Variants in SLC15A5 observed in about 807,000 individuals in gnomAD.
SLC15A5 encodes the protein solute carrier family 15 member 5, also known as Peptide/histidine transporter ENSP00000340402.
Under a neutral mutation model 56.1 loss-of-function variants are expected in SLC15A5, and 58 were observed. That is an observed-to-expected ratio of 1.03 (90% CI 0.84 to 1.29). The LOEUF is 1.29. Among genes scored for constraint, SLC15A5 ranks in the 50% most tolerant of loss-of-function variants. The pLI is 0.00. For missense variants in SLC15A5, 681 were observed against 672.1 expected (o/e 1.01, Z -0.15); for synonymous variants, 264 against 250.5 (o/e 1.05, Z -0.51).
intron 7 of SLC15A5, among the ~76,000 whole-genome samples, chr12:16,211,220 A>G (rs1467142081): frequency 6.6e-6 from 1 of 152,226 alleles, no homozygotes; most frequent in Non-Finnish European, 1.5e-5. Context: ...TGCAGTTGGA[A>G]TACTTTTCCA....
At chr12:16,199,010 G>T (rs561684113) in intron 7 of SLC15A5, among the ~76,000 whole-genome samples, 7 of 152,004 alleles carry the variant, frequency 4.6e-5, no homozygotes, top group Admixed American at 2.6e-4. Context: ...CACCTGGCTA[G>T]TTCCCCTATT....
chr12:16,259,861 A>C (rs986300146), intron 2 of SLC15A5, among the ~76,000 whole-genome samples: 4 of 146,698 alleles, frequency 2.7e-5, no homozygotes, highest in Non-Finnish European at 6.0e-5. Flanking sequence ...TTGAGAGTGG[A>C]GGCTCAACTC....
At position 16,189,694 on chromosome 12, in the gene SLC15A5, T is replaced by A. The variant is rs1477135858; in HGVS notation, c.1714A>T (p.Ile572Phe). The A allele has an allele frequency of 5.2e-6, 8 of 1,524,996 alleles. No individual in the cohort carries two copies. In the Admixed American group the frequency reaches 1.6e-4, roughly 31 times the overall value. 94.5% of individuals were successfully genotyped at this position (1,524,996 alleles called of 1,614,324 possible). ...CATAGGGCTGTCTCCCAAAGATCAA[T>A]ACTTGAAGAAAATTCCTGTATACTG... Reference protein sequence around the residue: ...YGSIQEFSSSIDLWETAL With the variant: ...YGSIQEFSSSFDLWETAL Residue 572 changes from isoleucine to phenylalanine, a missense_variant, in exon 9 of 9, where the codon ATT becomes TTT. Transcript: ENST00000344941.
In SLC15A5 at chr12:16,257,698, T is replaced by TA; in HGVS notation, c.754+2dup. On this transcript the variant is annotated splice_region_variant and intron_variant, in intron 3 of 8. Transcript: ENST00000344941. ...AAATCAATGTAACGCATAATTTACT[T>TA]ACGTTTTTCTGACTGATAAATTAGG... 1 of 1,455,418 alleles carries TA rather than the reference T, an allele frequency of 6.9e-7. No individual in the cohort carries two copies. Among genetic ancestry groups the TA allele is most frequent in the Non-Finnish European group, 9.0e-7 (1 of 1,112,292 alleles). The allele number at this position is 1,455,418 out of a possible 1,614,324, so 90.2% of individuals were successfully genotyped here.
intron 2 of SLC15A5, among the ~76,000 whole-genome samples, chr12:16,258,645 G>A (rs1864603049): frequency 1.3e-5 from 2 of 152,058 alleles, no homozygotes; most frequent in South Asian, 4.1e-4. Context: ...TGTTTCAGTT[G>A]TGCAAGCCTT....
At position 16,194,396 on chromosome 12, in the gene SLC15A5, A is replaced by C; in HGVS notation, c.1541T>G (p.Leu514Arg). The C allele has an allele frequency of 6.5e-7, 1 of 1,535,528 alleles. No homozygotes were observed. The highest frequency in any genetic ancestry group is 8.7e-7 in the Non-Finnish European group (1 of 1,145,690). ...KGNLESFFFF[L>R]ASLTLLNVLG... is the part of the protein sequence containing the mutation. Reference sequence around the variant, plus strand: ...GACGTTCAACAATGTTAATGATGCCAGGAAGAAGAAGAAGCTTTCTAAATT... The same window carrying C: ...GACGTTCAACAATGTTAATGATGCCCGGAAGAAGAAGAAGCTTTCTAAATT... Residue 514 changes from leucine to arginine, a missense_variant, in exon 8 of 9, where the codon CTG becomes CGG. Leu to Arg is a moderately radical substitution (Grantham distance 102, BLOSUM62 -2). Transcript: ENST00000344941.
intron 3 of SLC15A5, among the ~76,000 whole-genome samples, chr12:16,254,606 C>G (rs1864551380): frequency 6.6e-6 from 1 of 152,106 alleles, no homozygotes; most frequent in South Asian, 2.1e-4. Context: ...TGTTGGATGC[C>G]TAGACTGATT....
At chr12:16,253,570 C>A (rs1298518406) in intron 3 of SLC15A5, among the ~76,000 whole-genome samples, 4 of 152,014 alleles carry the variant, frequency 2.6e-5, no homozygotes, top group Non-Finnish European at 4.4e-5. Flanking sequence ...TAGGGAAATG[C>A]AAATCAAAAC....
At chr12:16,277,271 C>A in intron 1 of SLC15A5, 54 bp downstream of exon 1, 2 of 1,428,348 alleles carry the variant, frequency 1.4e-6, no homozygotes, top group South Asian at 1.5e-5. Context: ...AAAATTCTAA[C>A]AAAAATCTAC....
chr12:16,260,003 T>C (rs1864627936), intron 2 of SLC15A5, among the ~76,000 whole-genome samples: 1 of 152,122 alleles, frequency 6.6e-6, no homozygotes, highest in Admixed American at 6.5e-5. Flanking sequence ...AATCAGAGTG[T>C]TCCTGTGTGA....
chr12:16,250,879 T>G lies in SLC15A5; in HGVS notation c.755-6079A>C, dbSNP rs75741673. On this transcript the variant is annotated intron_variant, in intron 3 of 8. Coordinates refer to ENST00000344941, the MANE Select transcript of SLC15A5 (RefSeq NM_001170798.1). ...CAATAAGGGAGAATATTGAAGAATTTTATTACAAACATAAGCCCCAATGAA... is the reference window on the plus strand; with the variant it reads ...CAATAAGGGAGAATATTGAAGAATTGTATTACAAACATAAGCCCCAATGAA... 9.9e-3 allele frequency among the ~76,000 whole-genome samples: 1,507 copies of G among 152,018 alleles called. 22 individuals are homozygous for G. Among genetic ancestry groups the G allele is most frequent in the African/African-American group, 0.035 (1,438 of 41,526 alleles).
chr12:16,254,402 A>G (rs1256219469), intron 3 of SLC15A5, among the ~76,000 whole-genome samples: 1 of 152,092 alleles, frequency 6.6e-6, no homozygotes, highest in Non-Finnish European at 1.5e-5. Flanking sequence ...CTAGAAATCC[A>G]TTGCATAACA....
At chr12:16,256,447 A>ATATTT (rs1864572703) in intron 3 of SLC15A5, among the ~76,000 whole-genome samples, 2 of 152,214 alleles carry the variant, frequency 1.3e-5, no homozygotes, top group Admixed American at 1.3e-4. Flanking sequence ...ATCTGCGAGT[A>ATATTT]TCTAGGTCTG....
chr12:16,210,415 CTA>C (rs1864068357), intron 7 of SLC15A5, among the ~76,000 whole-genome samples: 1 of 152,206 alleles, frequency 6.6e-6, no homozygotes, highest in Admixed American at 6.5e-5. Context: ...AATATGGAAT[CTA>C]TTCTTTTCTG....
rs1008527675 is a variant in SLC15A5 at position 16,272,560 on chromosome 12, C to A, written c.584+1G>T. On this transcript the variant is annotated splice_donor_variant, in intron 2 of 8. Coordinates refer to ENST00000344941, the MANE Select transcript of SLC15A5 (RefSeq NM_001170798.1). LOFTEE classifies it high-confidence loss of function. ...TTTCTCTCCTAGCCAGTGCTACTTA[C>A]CAGTTAAAAAAAGACATCGTTTTTT... 8 of 1,536,442 alleles carry A rather than the reference C, an allele frequency of 5.2e-6. No homozygotes were observed. The African/African-American group carries it at 8.2e-5, about 16-fold the overall frequency.
chr12:16,259,896 C>CCGG (rs1324692134), intron 2 of SLC15A5, among the ~76,000 whole-genome samples: 7 of 71,566 alleles, frequency 9.8e-5, no homozygotes, highest in Admixed American at 4.0e-4. Context: ...CTGACACCAC[C>CCGG]CGGGCGGGGG....
At chr12:16,272,876 T>C in intron 1 of SLC15A5, 93 bp from the exon 2 acceptor site, 1 of 1,087,882 alleles carries the variant, frequency 9.2e-7, no homozygotes, top group Non-Finnish European at 1.3e-6. Flanking sequence ...GACAGTGGCA[T>C]CATTTTGTGA....
chr12:16,247,762 G>T (rs192341152), intron 3 of SLC15A5, among the ~76,000 whole-genome samples: 1 of 152,232 alleles, frequency 6.6e-6, no homozygotes, highest in East Asian at 1.9e-4. Flanking sequence ...GAGGTTGTCA[G>T]GGGGGTCAGA....
At chr12:16,270,713 A>T (rs578036123) in intron 2 of SLC15A5, among the ~76,000 whole-genome samples, 1 of 152,316 alleles carries the variant, frequency 6.6e-6, no homozygotes, top group East Asian at 1.9e-4. Context: ...AAAACTCCTA[A>T]GTGACAGAGC....
Sources: gnomAD v4.1 joint callset for allele counts (sites outside exome capture counted in the v4.1 genomes callset) on GRCh38, gnomAD v4.1.1 for gene constraint, MANE v1.5 for transcripts, NCBI Gene and HGNC (gene_info 2026-07-23, HGNC 2026-07-21) for gene names.